POLN: variants seen among roughly 807,000 people sequenced by gnomAD.
POLN encodes the protein DNA polymerase N.
Under a neutral mutation model 113.5 loss-of-function variants are expected in POLN, and 108 were observed. The ratio of observed to expected loss-of-function variants is 0.95; its 90% confidence interval spans 0.81 to 1.12. The LOEUF is 1.12. POLN is among the 50% of genes most tolerant of loss of function. The probability of loss-of-function intolerance (pLI) is 0.00; values close to 1 mark genes in which losing one functional copy is unlikely to be tolerated. For missense variants in POLN, 1,097 were observed against 1,077.1 expected (o/e 1.02, Z -0.26); for synonymous variants, 386 against 391.5 (o/e 0.99, Z 0.17).
chr4:2,082,976 C>T (rs1232179467), intron 21 of POLN: 2 of 152,182 alleles, frequency 1.3e-5, no homozygotes, highest in East Asian at 3.9e-4. Context: ...TAGTCTAGAC[C>T]TGCCTCTAAA....
chr4:2,188,252 A>G (rs1336908741), intron 7 of POLN, among the ~76,000 whole-genome samples: 9 of 152,222 alleles, frequency 5.9e-5, no homozygotes. Context: ...GAGGAAATTC[A>G]TCACCACCAG....
chr4:2,192,996 G>A (rs776612324), intron 7 of POLN, among the ~76,000 whole-genome samples: 7 of 152,026 alleles, frequency 4.6e-5, no homozygotes, highest in Non-Finnish European at 8.8e-5. Flanking sequence ...AATTATGAAA[G>A]TAATATATAC....
intron 20 of POLN, among the ~76,000 whole-genome samples, chr4:2,094,817 G>A (rs1730747348): frequency 6.6e-6 from 1 of 152,196 alleles, no homozygotes; most frequent in Non-Finnish European, 1.5e-5. Flanking sequence ...AATGGAGACT[G>A]TAGGGCAGCT....
At chr4:2,198,300 G>A (rs1296202691) in intron 6 of POLN, among the ~76,000 whole-genome samples, 2 of 152,142 alleles carry the variant, frequency 1.3e-5, no homozygotes, top group African/African-American at 4.8e-5. Flanking sequence ...AAGTCCTGGA[G>A]CCGGCTGCTC....
rs752685384 is a variant in POLN, at chr4:2,208,276, T to G, written c.425A>C (p.Glu142Ala). 1.3e-6 allele frequency: 2 copies of G among 1,590,664 alleles called. No homozygotes were observed. Among genetic ancestry groups the G allele is most frequent in the Admixed American group, 3.4e-5 (2 of 58,324 alleles). Residue 142 changes from glutamate to alanine, a missense_variant, in exon 5 of 26, where the codon GAG becomes GCG. Transcript: ENST00000511885. ...KGHKRKHFLM[E>A]NINNENKGSI... ...TCCTTTATTTTCATTATTTATATTC[T>G]CCATTAGGAAATGCTTTCTTTTATG... is the stretch of plus-strand genomic sequence containing the variant.
In POLN at chr4:2,198,599, T is replaced by A. The variant is rs760500710; in HGVS notation, c.833A>T (p.Asp278Val). 1 of 1,613,786 alleles carries A rather than the reference T, an allele frequency of 6.2e-7. No individual in the cohort carries two copies. The highest frequency in any genetic ancestry group is 1.3e-5 in the African/African-American group (1 of 74,842). ...CTCTATTTGAATGTAGATGCATGGA[T>A]CATCTGACACAAAGCCCTCCAGAAC... ...GPVLEGFVSD[D>V]PCIYIQIEHS... Residue 278 changes from aspartate (D) to valine (V), a missense_variant, in exon 6 of 26, where the codon GAT becomes GTT. Physicochemically the swap from Asp to Val is radical, Grantham distance 152. Coordinates refer to ENST00000511885, the MANE Select transcript of POLN (RefSeq NM_181808.4).
At chr4:2,096,961 T>C (rs1002316222) in intron 19 of POLN, among the ~76,000 whole-genome samples, 1 of 152,198 alleles carries the variant, frequency 6.6e-6, no homozygotes, top group African/African-American at 2.4e-5. Context: ...TTTCTACATT[T>C]CCCGATATCC....
chr4:2,205,434 A>G (rs1300609426), intron 5 of POLN, among the ~76,000 whole-genome samples: 1 of 152,234 alleles, frequency 6.6e-6, no homozygotes, highest in South Asian at 2.1e-4. Context: ...GAAAGAAATC[A>G]CAGATGACAC....
At chr4:2,125,499 T>C (rs1385728915) in intron 19 of POLN, among the ~76,000 whole-genome samples, 1 of 152,102 alleles carries the variant, frequency 6.6e-6, no homozygotes, top group Non-Finnish European at 1.5e-5. Flanking sequence ...TCAAGAATAT[T>C]AAGGGCTTCT....
At chr4:2,102,929 T>C (rs936266339) in intron 19 of POLN, among the ~76,000 whole-genome samples, 1 of 151,898 alleles carries the variant, frequency 6.6e-6, no homozygotes, top group Non-Finnish European at 1.5e-5. Flanking sequence ...CACACTCAAA[T>C]GAAAGTAAAT....
chr4:2,178,652 C>T (rs1489635148), intron 8 of POLN, among the ~76,000 whole-genome samples: 1 of 151,478 alleles, frequency 6.6e-6, no homozygotes, highest in Non-Finnish European at 1.5e-5. Flanking sequence ...CACTCTGTCA[C>T]TCAGGCTGGA....
At chr4:2,097,522 TG>T (rs1357590564) in intron 19 of POLN, among the ~76,000 whole-genome samples, 1 of 152,168 alleles carries the variant, frequency 6.6e-6, no homozygotes. Context: ...AGCTAATTTT[TG>T]TATTTTTAGT....
At chr4:2,081,986 ACT>A (rs1484886058) in intron 21 of POLN, among the ~76,000 whole-genome samples, 1 of 126,952 alleles carries the variant, frequency 7.9e-6, no homozygotes, top group Non-Finnish European at 1.6e-5. Context: ...ACAGAGTGAG[ACT>A]CTGTCACCCA....
rs751067768 is a variant in POLN, at chr4:2,238,634, G to T, written c.-13+2886C>A. The T allele has an allele frequency of 6.2e-6, 10 of 1,606,274 alleles. No homozygotes were observed. Among genetic ancestry groups the T allele is most frequent in the Admixed American group, 5.0e-5 (3 of 59,814 alleles). On this transcript the variant is annotated intron_variant, in intron 2 of 25. Coordinates refer to ENST00000511885, the MANE Select transcript of POLN (RefSeq NM_181808.4). ...AGTAGAATAATCCTTAGTATCAATG[G>T]TATTCCTTGGATTTATCTGTTGAGA...
At chr4:2,198,261 T>A (rs956032570) in intron 6 of POLN, among the ~76,000 whole-genome samples, 8 of 152,190 alleles carry the variant, frequency 5.3e-5, no homozygotes, top group African/African-American at 1.7e-4. Flanking sequence ...GATGCTTTTC[T>A]CCCTAGCTTC....
intron 16 of POLN, among the ~76,000 whole-genome samples, chr4:2,147,638 C>CTTTTTTTT (rs1553897834): frequency 6.2e-4 from 13 of 21,122 alleles, no homozygotes; most frequent in African/African-American, 1.1e-3. Flanking sequence ...TCCAGTTTTT[C>CTTTTTTTT]TTTTCTTTTT....
intron 2 of POLN, chr4:2,238,515 A>C: frequency 1.2e-6 from 1 of 832,948 alleles, no homozygotes; most frequent in Non-Finnish European, 1.7e-6. Context: ...GAATTGTTAA[A>C]AACTTCCAAA....
chr4:2,134,911 T>C (rs748914956), intron 16 of POLN, among the ~76,000 whole-genome samples: 5 of 152,198 alleles, frequency 3.3e-5, no homozygotes, highest in Admixed American at 1.3e-4. Flanking sequence ...AAAAATTGAA[T>C]ACACATAACG....
chr4:2,186,376 G>A (rs1733273504), intron 7 of POLN, among the ~76,000 whole-genome samples: 3 of 152,132 alleles, frequency 2.0e-5, no homozygotes, highest in Admixed American at 2.0e-4. Context: ...AAATCAGAAA[G>A]GCTGGTCAGT....
Sources: gnomAD v4.1 joint callset for allele counts (sites outside exome capture counted in the v4.1 genomes callset) on GRCh38, gnomAD v4.1.1 for gene constraint, MANE v1.5 for transcripts, NCBI Gene and HGNC (gene_info 2026-07-23, HGNC 2026-07-21) for gene names.